Variants in KIAA1217 observed in about 807,000 individuals in gnomAD.
The protein encoded by KIAA1217 is sickle tail protein homolog.
In KIAA1217, 88 loss-of-function variants were observed where a neutral mutation model predicts 163.9. That is an observed-to-expected ratio of 0.54 (90% confidence interval 0.45 to 0.64). The LOEUF is 0.64. KIAA1217 is among the 30% of genes least tolerant of loss of function. The probability of loss-of-function intolerance (pLI) is 0.00; values close to 1 mark genes in which losing one functional copy is unlikely to be tolerated. For missense variants in KIAA1217, 2,372 were observed against 2,475.0 expected (o/e 0.96, Z 0.88); for synonymous variants, 903 against 923.1 (o/e 0.98, Z 0.39).
intron 20 of KIAA1217, 184 bp from the exon 21 acceptor site, chr10:24,545,643 T>C: frequency 2.1e-6 from 3 of 1,400,456 alleles, no homozygotes; most frequent in Non-Finnish European, 2.8e-6. Flanking sequence ...CATCCTTTGC[T>C]ATGTACATGG....
At chr10:24,507,686 T>G (rs1486229030) in intron 9 of KIAA1217, among the ~76,000 whole-genome samples, 2 of 152,108 alleles carry the variant, frequency 1.3e-5, no homozygotes, top group Admixed American at 6.6e-5. Flanking sequence ...GAGAAAAATA[T>G]TCAAAAAGGT....
At chr10:24,521,721 G>T in intron 11 of KIAA1217, 61 bp from the exon 12 acceptor site, 1 of 1,569,266 alleles carries the variant, frequency 6.4e-7, no homozygotes, top group Non-Finnish European at 8.6e-7. Flanking sequence ...TCGGAGTGCG[G>T]GATGAGGGTT....
At chr10:23,907,591 A>G (rs1013586389) in intron 1 of KIAA1217, among the ~76,000 whole-genome samples, 3 of 152,018 alleles carry the variant, frequency 2.0e-5, no homozygotes, top group Admixed American at 6.6e-5. Context: ...GAGAAGATGG[A>G]TGTCCCAGCT....
intron 1 of KIAA1217, among the ~76,000 whole-genome samples, chr10:23,817,342 A>G (rs955272010): frequency 3.3e-5 from 5 of 152,218 alleles, no homozygotes; most frequent in African/African-American, 9.6e-5. Context: ...TTAAATGGCT[A>G]TAGTTCTTAT....
intron 1 of KIAA1217, among the ~76,000 whole-genome samples, chr10:23,852,193 C>A (rs569901529): frequency 0.01 from 1,542 of 151,936 alleles, 23 homozygotes; most frequent in African/African-American, 0.035. Flanking sequence ...ATTTTTGTAT[C>A]AGGTGTAAGG....
At chr10:23,940,064 A>G (rs1252200053) in intron 1 of KIAA1217, among the ~76,000 whole-genome samples, 1 of 151,996 alleles carries the variant, frequency 6.6e-6, no homozygotes, top group Non-Finnish European at 1.5e-5. Flanking sequence ...TTAATGATAA[A>G]TGGATCAATC....
At chr10:23,714,426 A>T (rs907499955) in intron 1 of KIAA1217, among the ~76,000 whole-genome samples, 1 of 152,138 alleles carries the variant, frequency 6.6e-6, no homozygotes, top group Admixed American at 6.6e-5. Flanking sequence ...AAATTTCTGC[A>T]GAGGGTAGCT....
At chr10:24,097,863 C>T (rs2131705985) in intron 2 of KIAA1217, among the ~76,000 whole-genome samples, 1 of 152,222 alleles carries the variant, frequency 6.6e-6, no homozygotes, top group South Asian at 2.1e-4. Flanking sequence ...AGAATTGTGC[C>T]AAGGCCAGGC....
At chr10:23,887,353 G>A (rs1221174524) in intron 1 of KIAA1217, among the ~76,000 whole-genome samples, 1 of 151,818 alleles carries the variant, frequency 6.6e-6, no homozygotes, top group Non-Finnish European at 1.5e-5. Flanking sequence ...GTAAATCACA[G>A]CCTTTGAAAT....
At chr10:24,253,782 G>A (rs566931490) in intron 2 of KIAA1217, among the ~76,000 whole-genome samples, 2 of 151,862 alleles carry the variant, frequency 1.3e-5, no homozygotes, top group East Asian at 1.9e-4. Context: ...AGGCATAGTG[G>A]TACTCACCTG....
intron 2 of KIAA1217, among the ~76,000 whole-genome samples, chr10:24,118,756 T>C (rs2063162518): frequency 6.6e-6 from 1 of 151,998 alleles, no homozygotes; most frequent in African/African-American, 2.4e-5. Flanking sequence ...TAGTAAAGCA[T>C]GGACATTTGA....
intron 1 of KIAA1217, among the ~76,000 whole-genome samples, chr10:23,956,543 T>C (rs890238822): frequency 7.2e-5 from 11 of 152,190 alleles, no homozygotes; most frequent in Admixed American, 2.6e-4. Flanking sequence ...CCAAATCCTG[T>C]TGACTCTACT....
intron 2 of KIAA1217, among the ~76,000 whole-genome samples, chr10:24,246,839 C>A (rs142401771): frequency 6.6e-6 from 1 of 151,990 alleles, no homozygotes; most frequent in East Asian, 1.9e-4. Flanking sequence ...CATGGCGAAA[C>A]CCGATCTCTA....
At chr10:23,747,359 T>C (rs1839468201) in intron 1 of KIAA1217, among the ~76,000 whole-genome samples, 1 of 152,136 alleles carries the variant, frequency 6.6e-6, no homozygotes, top group South Asian at 2.1e-4. Flanking sequence ...TTCCTGGGCT[T>C]CGGATCCTGG....
chr10:23,799,801 A>C (rs1209151483), intron 1 of KIAA1217, among the ~76,000 whole-genome samples: 1 of 152,046 alleles, frequency 6.6e-6, no homozygotes, highest in African/African-American at 2.4e-5. Flanking sequence ...TGAAATGGAA[A>C]ACCCCAAGGA....
chr10:23,801,434 C>A (rs1836462523), intron 1 of KIAA1217, among the ~76,000 whole-genome samples: 1 of 152,110 alleles, frequency 6.6e-6, no homozygotes, highest in Non-Finnish European at 1.5e-5. Flanking sequence ...ATGTAACAAA[C>A]CTGCACATTC....
intron 1 of KIAA1217, among the ~76,000 whole-genome samples, chr10:23,774,576 G>A (rs1479322305): frequency 6.6e-6 from 1 of 152,172 alleles, no homozygotes; most frequent in Non-Finnish European, 1.5e-5. Flanking sequence ...GGAAATGCAT[G>A]GTAGATGTGA....
At chr10:24,385,719 G>T (rs2130638896) in intron 3 of KIAA1217, among the ~76,000 whole-genome samples, 1 of 152,236 alleles carries the variant, frequency 6.6e-6, no homozygotes, top group Admixed American at 6.5e-5. Context: ...TCTTTTCAGT[G>T]GAATTTATGC....
intron 1 of KIAA1217, among the ~76,000 whole-genome samples, chr10:24,211,606 T>C (rs2068135181): frequency 1.3e-5 from 2 of 150,056 alleles, no homozygotes; most frequent in South Asian, 2.1e-4. Context: ...TATTTTATTT[T>C]AGAGAAGGGG....
Sources: gnomAD v4.1 joint callset for allele counts (sites outside exome capture counted in the v4.1 genomes callset) on GRCh38, gnomAD v4.1.1 for gene constraint, MANE v1.5 for transcripts, NCBI Gene and HGNC (gene_info 2026-07-23, HGNC 2026-07-21) for gene names.